TERF1: variants seen among roughly 807,000 people sequenced by gnomAD.
TERF1 encodes telomeric repeat-binding factor 1.
TERF1 carries 20 observed loss-of-function variants against 55.1 expected under a neutral mutation model. The observed-to-expected ratio is 0.36, with a 90% CI of 0.26 to 0.53. The LOEUF (loss-of-function observed/expected upper bound fraction) is 0.53, where lower values mean the gene tolerates loss of function less well. TERF1 is among the 20% of genes least tolerant of loss of function. The pLI is 0.91. For missense variants in TERF1, 439 were observed against 535.7 expected, an observed-to-expected ratio of 0.82 and a Z score of 1.78; for synonymous variants, 168 against 181.2, an observed-to-expected ratio of 0.93 and a Z score of 0.59.
At chr8:73,016,573 C>T (rs1189945378) in intron 2 of TERF1, among the ~76,000 whole-genome samples, 1 of 151,920 alleles carries the variant, frequency 6.6e-6, no homozygotes, top group Non-Finnish European at 1.5e-5. Flanking sequence ...GCTAGGACTA[C>T]AGGTGCACCA....
intron 9 of TERF1, among the ~76,000 whole-genome samples, 175 bp from the exon 10 acceptor site, chr8:73,045,786 C>A (rs891046616): frequency 1.3e-5 from 2 of 152,106 alleles, no homozygotes; most frequent in East Asian, 3.8e-4. Context: ...ATAATGACCC[C>A]TAAAAATGTT....
At chr8:73,025,975 G>C (rs1369510481) in intron 5 of TERF1, among the ~76,000 whole-genome samples, 1 of 151,420 alleles carries the variant, frequency 6.6e-6, no homozygotes, top group African/African-American at 2.4e-5. Flanking sequence ...TGGGTAGATC[G>C]CTTGATCCCA....
chr8:73,032,581 A>G (rs1395393891), intron 8 of TERF1, among the ~76,000 whole-genome samples: 4 of 151,970 alleles, frequency 2.6e-5, no homozygotes, highest in African/African-American at 9.7e-5. Context: ...ATATGAATAT[A>G]TATATATATA....
chr8:73,015,576 G>A (rs768207999), intron 2 of TERF1, among the ~76,000 whole-genome samples: 8 of 151,864 alleles, frequency 5.3e-5, no homozygotes, highest in Admixed American at 3.9e-4. Context: ...GGTGATTCAC[G>A]CCTGTAATCC....
At chr8:73,031,767 G>C (rs760023293) in intron 7 of TERF1, 3 of 249,758 alleles carry the variant, frequency 1.2e-5, no homozygotes, top group Non-Finnish European at 2.3e-5. Context: ...GGCCGAAAGA[G>C]TCTTGTCTTT....
rs1380718635 is a variant in TERF1 at position 73,046,051 on chromosome 8, T to G, written c.1234T>G (p.Phe412Val). The change falls in exon 10 of 10, where the codon TTC becomes GTC. Residue 412 changes from phenylalanine to valine, a missense_variant. Around this residue, in one of 4 missense-constraint regions of TERF1, gnomAD observed 25 missense variants for 57.3 expected, o/e 0.44. Transcript: ENST00000276603. ...NWSKILLHYKFNNRTSVMLKD... is the reference protein window; with the variant it reads ...NWSKILLHYKVNNRTSVMLKD... ...GTCTAAAATACTGTTGCATTATAAA[T>G]TCAACAACCGGACAAGTGTCATGTT... 1.2e-6 allele frequency: 2 copies of G among 1,611,246 alleles called. No individual in the cohort carries two copies. The highest frequency in any genetic ancestry group is 1.7e-6 in the Non-Finnish European group (2 of 1,179,016).
At chr8:73,027,076 T>C in intron 6 of TERF1, 24 bp downstream of exon 6, 2 of 1,547,082 alleles carry the variant, frequency 1.3e-6, no homozygotes, top group Non-Finnish European at 1.8e-6. Context: ...TCAATTTGTA[T>C]ATTTTTTGTT....
At chr8:73,038,942 A>G (rs990265165) in intron 8 of TERF1, 174 bp from the exon 9 acceptor site, 1 of 549,886 alleles carries the variant, frequency 1.8e-6, no homozygotes, top group African/African-American at 2.0e-5. Context: ...TCTGATTTCA[A>G]AGGCTGATCT....
At chr8:73,018,810 C>A (rs1288474177) in intron 2 of TERF1, 1 of 152,124 alleles carries the variant, frequency 6.6e-6, no homozygotes, top group South Asian at 2.1e-4. Context: ...CTTCTGCCCC[C>A]CAAAATTTGA....
chr8:73,025,278 A>G (rs192345987), intron 5 of TERF1, among the ~76,000 whole-genome samples: 2 of 152,238 alleles, frequency 1.3e-5, no homozygotes, highest in African/African-American at 4.8e-5. Flanking sequence ...AATTTTAAAG[A>G]CTTTTTAAAC....
intron 6 of TERF1, among the ~76,000 whole-genome samples, chr8:73,027,663 TTC>T (rs1425005472): frequency 6.6e-6 from 1 of 152,204 alleles, no homozygotes; most frequent in African/African-American, 2.4e-5. Context: ...TATAAAGATC[TTC>T]TTTTCTGTTG....
intron 6 of TERF1, 94 bp from the exon 7 acceptor site, chr8:73,030,242 A>G (rs1586051228): frequency 2.6e-6 from 2 of 780,930 alleles, no homozygotes; most frequent in East Asian, 3.1e-5. Context: ...TTATTTTTTT[A>G]TAAATTGAAA....
rs1808142930 is a variant in TERF1 at position 73,008,939 on chromosome 8, G to A, written c.53G>A (p.Gly18Asp). 6.2e-7 allele frequency: 1 copy of A among 1,612,932 alleles called. No homozygotes were observed. The highest frequency in any genetic ancestry group is 1.7e-4 in the Middle Eastern group (1 of 5,898). Residue 18 changes from glycine to aspartate, a missense_variant, in exon 1 of 10, where the codon GGT (glycine) becomes GAT (aspartate). Gly to Asp is a moderately conservative substitution (Grantham distance 94, BLOSUM62 -1). This residue lies in a region of TERF1 where 179 missense variants were observed against 152.6 expected (regional missense o/e 1.17). Transcript: ENST00000276603. ...AAPSPRGCADGRDADPTEEQM... is the reference protein window; with the variant it reads ...AAPSPRGCADDRDADPTEEQM... ...CCGAGCCCGCGGGGCTGTGCGGATG[G>A]TAGGGATGCCGACCCTACTGAGGAG...
At chr8:73,014,156 A>C (rs551734947) in intron 2 of TERF1, among the ~76,000 whole-genome samples, 166 bp downstream of exon 2, 8 of 152,008 alleles carry the variant, frequency 5.3e-5, no homozygotes, top group Non-Finnish European at 1.2e-4. Flanking sequence ...GTCATATCTA[A>C]AGCAAGTAAA....
At chr8:73,039,932 T>C (rs1327882431) in intron 9 of TERF1, among the ~76,000 whole-genome samples, 1 of 151,602 alleles carries the variant, frequency 6.6e-6, no homozygotes, top group Non-Finnish European at 1.5e-5. Context: ...ACTGTAGGCA[T>C]GAGCTACTGC....
chr8:73,024,890 C>G lies in TERF1; in HGVS notation c.693C>G (p.Phe231Leu). The change falls in exon 5 of 10, where the codon TTC becomes TTG. Residue 231 changes from phenylalanine (F) to leucine (L), a missense_variant. Phe to Leu is a conservative substitution (Grantham distance 22). This residue lies in a region of TERF1 where 95 missense variants were observed against 167.2 expected (regional missense o/e 0.57). Transcript: ENST00000276603. The part of the protein sequence containing the change: ...KDTFHSFFQH[F>L]SYNHMMEKIK... ...CATTTCATTCCTTTTTTCAACACTT[C>G]AGCTACAACCACATGATGGAGAAAA... 1 of 1,584,382 alleles carries G rather than the reference C, an allele frequency of 6.3e-7. No homozygotes were observed. Among genetic ancestry groups the G allele is most frequent in the Non-Finnish European group, 8.6e-7 (1 of 1,169,328 alleles).
intron 6 of TERF1, 36 bp downstream of exon 6, chr8:73,027,088 T>C (rs1387719240): frequency 6.8e-7 from 1 of 1,467,688 alleles, no homozygotes; most frequent in Non-Finnish European, 9.4e-7. Context: ...TTTTTTGTTT[T>C]ATGAATGTTC....
chr8:73,044,359 A>G (rs1185905302), intron 9 of TERF1, among the ~76,000 whole-genome samples: 1 of 152,232 alleles, frequency 6.6e-6, no homozygotes. Flanking sequence ...ACAGGGGATC[A>G]GGTTTAAGGT....
chr8:73,031,539 T>A (rs957651760), intron 7 of TERF1: 1 of 152,252 alleles, frequency 6.6e-6, no homozygotes, highest in Non-Finnish European at 1.5e-5. Context: ...AATACCAATT[T>A]GGCAGAGTTT....
Sources: allele counts gnomAD v4.1 joint callset (sites outside exome capture counted in the v4.1 genomes callset), GRCh38; gene constraint gnomAD v4.1.1; regional missense constraint gnomAD v4.1.1; transcripts MANE v1.5; gene names NCBI Gene and HGNC (gene_info 2026-07-23, HGNC 2026-07-21).